The following N4BP2 variants were observed in gnomAD, a reference collection of about 807,000 sequenced individuals.
The protein encoded by N4BP2 is NEDD4 binding protein 2.
Under a neutral mutation model 152.8 loss-of-function variants are expected in N4BP2, and 91 were observed. The ratio of observed to expected loss-of-function variants is 0.60; its 90% CI spans 0.50 to 0.71. The LOEUF (loss-of-function observed/expected upper bound fraction) is 0.71, where lower values mean the gene tolerates loss of function less well. Ranked by LOEUF, N4BP2 falls within the 30% of genes least tolerant of loss-of-function variation. N4BP2 has a pLI of 0.00. For synonymous variants in N4BP2, 646 were observed against 705.3 expected (o/e 0.92, Z 1.33); for missense variants, 1,923 against 2,059.1 (o/e 0.93, Z 1.28).
chr4:40,056,922 G>A lies in N4BP2; in HGVS notation c.-320G>A, dbSNP rs1393450885. On this transcript the variant is annotated 5_prime_UTR_variant, in exon 1 of 18. Transcript: ENST00000261435. Reference sequence around the variant, plus strand: ...GCTGCTTGCTAGCCTTGCGCGGCGCGGGAGAGCGCAGTGGCGCCGGCGGGA... The same window carrying A: ...GCTGCTTGCTAGCCTTGCGCGGCGCAGGAGAGCGCAGTGGCGCCGGCGGGA... 14 of 152,138 alleles carry A rather than the reference G, an allele frequency of 9.2e-5. No individual in the cohort carries two copies. Among genetic ancestry groups the A allele is most frequent in the Admixed American group, 7.9e-4 (12 of 15,276 alleles). 9.4% of individuals were successfully genotyped at this position (152,138 alleles called of 1,614,324 possible).
At chr4:40,141,925 A>T (rs1406745931) in intron 14 of N4BP2, among the ~76,000 whole-genome samples, 1 of 152,128 alleles carries the variant, frequency 6.6e-6, no homozygotes, top group African/African-American at 2.4e-5. Context: ...GTCTCCACCA[A>T]AAAAATAGGA....
intron 17 of N4BP2, 37 bp from the exon 18 acceptor site, chr4:40,154,155 T>C: frequency 6.6e-7 from 1 of 1,507,010 alleles, no homozygotes; most frequent in Non-Finnish European, 9.2e-7. Context: ...AATTTGAAAT[T>C]TTCATCTTTA....
chr4:40,165,659 G>A, the N4BP2 span, among the ~76,000 whole-genome samples: 1 of 152,140 alleles, frequency 6.6e-6, no homozygotes, highest in Non-Finnish European at 1.5e-5. Flanking sequence ...ACATCTCTAT[G>A]TACGTGTGTG....
At chr4:40,122,449 C>G (rs1410779872) in intron 9 of N4BP2, 140 bp downstream of exon 9, 1 of 461,056 alleles carries the variant, frequency 2.2e-6, no homozygotes, top group East Asian at 3.4e-5. Flanking sequence ...TCTTGGCTCA[C>G]TGCAACCTCT....
chr4:40,131,080 A>G (rs891429440), intron 12 of N4BP2, among the ~76,000 whole-genome samples: 2 of 152,120 alleles, frequency 1.3e-5, no homozygotes, highest in South Asian at 4.1e-4. Context: ...GTCAATCTGA[A>G]TTTGCAGCTT....
chr4:40,187,955 A>C, the N4BP2 span, among the ~76,000 whole-genome samples: 1 of 152,266 alleles, frequency 6.6e-6, no homozygotes, highest in Non-Finnish European at 1.5e-5. Flanking sequence ...ATAAAAAGAC[A>C]AAAAGAGACA....
chr4:40,176,170 A>G, the N4BP2 span, among the ~76,000 whole-genome samples: 1 of 152,110 alleles, frequency 6.6e-6, no homozygotes, highest in South Asian at 2.1e-4. Flanking sequence ...GTATATAAAC[A>G]TTTAAATAGT....
At chr4:40,111,065 G>A (rs190478615) in intron 5 of N4BP2, among the ~76,000 whole-genome samples, 16 of 152,004 alleles carry the variant, frequency 1.1e-4, no homozygotes, top group Admixed American at 3.9e-4. Flanking sequence ...TTGTGTGTGT[G>A]TATATTTGTC....
Position 40,102,216 on chromosome 4 carries a change from A to C in N4BP2, c.371A>C (p.Glu124Ala). Reference sequence around the variant, plus strand: ...ATAATGGAAAAACGTCCTGAAGAAGAGAGTGAAGATTCAAAAATGGATTCA... The same window carrying C: ...ATAATGGAAAAACGTCCTGAAGAAGCGAGTGAAGATTCAAAAATGGATTCA... ...SKIMEKRPEE[E>A]SEDSKMDSFL... Residue 124 changes from glutamate (E) to alanine (A), a missense_variant, in exon 4 of 18, where the codon GAG (glutamate) becomes GCG (alanine). Coordinates refer to ENST00000261435, the MANE Select transcript of N4BP2 (RefSeq NM_018177.6). 6.2e-7 allele frequency: 1 copy of C among 1,614,082 alleles called. No homozygotes were observed. Among genetic ancestry groups the C allele is most frequent in the African/African-American group, 1.3e-5 (1 of 75,060 alleles).
At position 40,097,535 on chromosome 4, in the gene N4BP2, A is replaced by G. The variant is rs1715210623; in HGVS notation, c.195A>G (p.Val65=). The G allele has an allele frequency of 1.2e-6, 2 of 1,613,308 alleles. No individual in the cohort carries two copies. Among genetic ancestry groups the G allele is most frequent in the Non-Finnish European group, 1.7e-6 (2 of 1,179,300 alleles). ...SEIFSDLDPD[V]VYLMLSECDF... The stretch of plus-strand genomic sequence containing the variant: ...TATTTTCTGATCTGGATCCTGATGT[A>G]GTGTATTTGATGCTTTCTGAATGTG... The change falls in exon 3 of 18, where the codon GTA becomes GTG. Residue 65 remains valine (V), a synonymous_variant. Coordinates refer to ENST00000261435, the MANE Select transcript of N4BP2 (RefSeq NM_018177.6).
intron 4 of N4BP2, among the ~76,000 whole-genome samples, chr4:40,105,468 G>C (rs986840596): frequency 6.6e-6 from 1 of 151,730 alleles, no homozygotes; most frequent in African/African-American, 2.4e-5. Context: ...GGGATTACAG[G>C]TATCTGCTGC....
chr4:40,059,593 G>A (rs1366854746), intron 1 of N4BP2, among the ~76,000 whole-genome samples: 2 of 150,700 alleles, frequency 1.3e-5, no homozygotes, highest in Admixed American at 6.6e-5. Flanking sequence ...CAAGTGATCC[G>A]CCCGCTTTGG....
At chr4:40,081,030 T>C (rs1713313949) in intron 2 of N4BP2, among the ~76,000 whole-genome samples, 1 of 152,016 alleles carries the variant, frequency 6.6e-6, no homozygotes, top group African/African-American at 2.4e-5. Context: ...TTAGATCTTT[T>C]TACATACAAA....
At chr4:40,124,099 G>A in intron 10 of N4BP2, 61 bp from the exon 11 acceptor site, 1 of 1,246,678 alleles carries the variant, frequency 8.0e-7, no homozygotes, top group South Asian at 1.2e-5. Context: ...ATATAACCTT[G>A]TATCCTTGTT....
chr4:40,158,780 A>G (rs1255361110), downstream of N4BP2, among the ~76,000 whole-genome samples: 2 of 152,190 alleles, frequency 1.3e-5, no homozygotes, highest in African/African-American at 2.4e-5. Flanking sequence ...CAAAAAAAAA[A>G]AGAATCTCTT....
chr4:40,139,772 T>G lies in N4BP2; in HGVS notation c.4785+2690T>G, dbSNP rs1007951168. 1.1e-4 allele frequency among the ~76,000 whole-genome samples: 16 copies of G among 151,140 alleles called. No homozygotes were observed. In the East Asian group the frequency reaches 2.9e-3, roughly 28 times the overall value. On this transcript the variant is annotated intron_variant, in intron 14 of 17. Coordinates refer to ENST00000261435, the MANE Select transcript of N4BP2 (RefSeq NM_018177.6). ...TCCCAAAGTGCTGGGATTACAGGCGTGAGCCACTGCGCCAGGCCTAGCATT... is the reference window on the plus strand; with the variant it reads ...TCCCAAAGTGCTGGGATTACAGGCGGGAGCCACTGCGCCAGGCCTAGCATT...
intron 7 of N4BP2, among the ~76,000 whole-genome samples, chr4:40,115,633 C>T (rs7657511): frequency 2.0e-5 from 3 of 151,876 alleles, no homozygotes; most frequent in Non-Finnish European, 2.9e-5. Context: ...TGGGTTATGT[C>T]GTACTGTGTT....
At position 40,152,883 on chromosome 4, in the gene N4BP2, C is replaced by T. The variant is rs774173060; in HGVS notation, c.5247C>T (p.Tyr1749=). Residue 1749 remains tyrosine (Y), a synonymous_variant, in exon 17 of 18, where the codon TAC becomes TAT. Coordinates refer to ENST00000261435, the MANE Select transcript of N4BP2 (RefSeq NM_018177.6). The stretch of plus-strand genomic sequence containing the variant: ...GCATCAAACCAGCTGTCATTAAGTA[C>T]CTCATAAGCCATAGCTTCAGGTGAG... ...VARIKPAVIK[Y]LISHSFRFSE... The T allele has an allele frequency of 6.2e-7, 1 of 1,613,970 alleles. No homozygotes were observed. The highest frequency in any genetic ancestry group is 8.5e-7 in the Non-Finnish European group (1 of 1,179,904).
chr4:40,143,421 C>T (rs1560640453), intron 15 of N4BP2, among the ~76,000 whole-genome samples: 1 of 152,082 alleles, frequency 6.6e-6, no homozygotes, highest in African/African-American at 2.4e-5. Flanking sequence ...TCAGGTGAAC[C>T]TCCCACATCA....
Sources: allele counts gnomAD v4.1 joint callset (sites outside exome capture counted in the v4.1 genomes callset), GRCh38; gene constraint gnomAD v4.1.1; transcripts MANE v1.5; gene names NCBI Gene and HGNC (gene_info 2026-07-23, HGNC 2026-07-21).